JARID2: variants seen among roughly 807,000 people sequenced by gnomAD.
JARID2 encodes jumonji and AT-rich interaction domain containing 2.
JARID2 carries 21 observed loss-of-function variants against 125.6 expected under a neutral mutation model. The observed-to-expected ratio is 0.17, with a 90% confidence interval of 0.12 to 0.24. The LOEUF (loss-of-function observed/expected upper bound fraction) is 0.24, where lower values mean the gene tolerates loss of function less well. Ranked by LOEUF, JARID2 falls within the 10% of genes least tolerant of loss-of-function variation. The pLI is 1.00. For synonymous variants in JARID2, 736 were observed against 661.6 expected (o/e 1.11, Z -1.73); for missense variants, 1,303 against 1,639.6 (o/e 0.79, Z 3.55).
At chr6:15,488,691 T>C (rs1554143236) in intron 6 of JARID2, among the ~76,000 whole-genome samples, 1 of 152,170 alleles carries the variant, frequency 6.6e-6, no homozygotes, top group Non-Finnish European at 1.5e-5. Context: ...TAGTCACACA[T>C]AGGCAGACAG....
intron 11 of JARID2, among the ~76,000 whole-genome samples, chr6:15,508,087 GTCAGGTTC>G (rs1395080649): frequency 2.0e-5 from 3 of 152,230 alleles, no homozygotes; most frequent in Non-Finnish European, 4.4e-5. Context: ...TCCTCACCAG[GTCAGGTTC>G]CTGCGGCCAC....
At chr6:15,335,320 G>C (rs1762842628) in intron 1 of JARID2, among the ~76,000 whole-genome samples, 1 of 150,900 alleles carries the variant, frequency 6.6e-6, no homozygotes, top group East Asian at 2.0e-4. Context: ...GGCTGGTCTT[G>C]AACTCCAGGC....
chr6:15,292,425 A>T (rs533912492), intron 1 of JARID2, among the ~76,000 whole-genome samples: 1 of 152,306 alleles, frequency 6.6e-6, no homozygotes, highest in Non-Finnish European at 1.5e-5. Context: ...TTCTTTAACT[A>T]TTACACAATG....
chr6:15,418,097 A>G (rs1299649548), intron 3 of JARID2, among the ~76,000 whole-genome samples: 2 of 152,142 alleles, frequency 1.3e-5, no homozygotes, highest in Non-Finnish European at 2.9e-5. Flanking sequence ...GGAGCAGGCA[A>G]GAGTGGTGGG....
rs773919057 is a variant in JARID2 at position 15,496,412 on chromosome 6, C to T, written c.1187C>T (p.Ala396Val). Residue 396 changes from alanine to valine, a missense_variant, in exon 7 of 18, where the codon GCG (alanine) becomes GTG (valine). Ala to Val is a moderately conservative substitution (Grantham distance 64, BLOSUM62 0). This residue lies in a region of JARID2 where 651 missense variants were observed against 581.6 expected (regional missense o/e 1.12). Coordinates refer to ENST00000341776, the MANE Select transcript of JARID2 (RefSeq NM_004973.4). ...TRKQVLSLGG[A>V]SKSTGPAVNG... ...AAACAGGTGCTATCCCTCGGGGGGG[C>T]GTCCAAGTCCACTGGGCCCGCCGTC... 15 of 1,613,594 alleles carry T rather than the reference C, an allele frequency of 9.3e-6. No individual in the cohort carries two copies. The East Asian group carries it at 1.3e-4, about 14-fold the overall frequency.
intron 1 of JARID2, among the ~76,000 whole-genome samples, chr6:15,291,471 T>C (rs1185794448): frequency 6.6e-6 from 1 of 152,194 alleles, no homozygotes; most frequent in African/African-American, 2.4e-5. Flanking sequence ...CTAACTAATC[T>C]GGTTTCTCAG....
intron 3 of JARID2, 34 bp from the exon 4 acceptor site, chr6:15,451,972 T>C: frequency 6.2e-7 from 1 of 1,607,978 alleles, no homozygotes; most frequent in Non-Finnish European, 8.5e-7. Context: ...CAGTCTCTGC[T>C]TAATTTATTT....
chr6:15,360,053 A>G (rs1318504965), intron 1 of JARID2, among the ~76,000 whole-genome samples: 1 of 152,224 alleles, frequency 6.6e-6, no homozygotes, highest in Non-Finnish European at 1.5e-5. Flanking sequence ...CTTATGAGTT[A>G]GGGCTTGTGA....
At chr6:15,319,613 C>A (rs966186658) in intron 1 of JARID2, among the ~76,000 whole-genome samples, 9 of 152,076 alleles carry the variant, frequency 5.9e-5, no homozygotes, top group Non-Finnish European at 1.3e-4. Context: ...ACCATGTTTG[C>A]CAGGCTGGTC....
intron 2 of JARID2, among the ~76,000 whole-genome samples, chr6:15,382,815 G>A (rs1764641731): frequency 1.3e-5 from 2 of 152,232 alleles, no homozygotes; most frequent in African/African-American, 2.4e-5. Flanking sequence ...CTCCTCTTTC[G>A]GGTCACTTTG....
chr6:15,403,370 A>T (rs949810249), intron 2 of JARID2, among the ~76,000 whole-genome samples: 1 of 151,934 alleles, frequency 6.6e-6, no homozygotes, highest in Non-Finnish European at 1.5e-5. Flanking sequence ...TACGAAGGGG[A>T]GATCTTTTGT....
chr6:15,416,416 C>G (rs374021305), intron 3 of JARID2, among the ~76,000 whole-genome samples: 2 of 152,210 alleles, frequency 1.3e-5, no homozygotes, highest in Admixed American at 6.5e-5. Context: ...CTGAGTGAAC[C>G]AGACTCCGTC....
At chr6:15,300,470 T>C (rs1339503101) in intron 1 of JARID2, among the ~76,000 whole-genome samples, 1 of 152,200 alleles carries the variant, frequency 6.6e-6, no homozygotes, top group Non-Finnish European at 1.5e-5. Context: ...TGAGATACTG[T>C]GCTTGTTGTG....
chr6:15,473,518 C>CCCCCCCG lies in JARID2; in HGVS notation c.670+4806_670+4807insGCCCCCC, dbSNP rs1769185580. On this transcript the variant is annotated intron_variant, in intron 5 of 17. Transcript: ENST00000341776. ...CCCTTGTCTTCTGATGTGCGTGCCC[C>CCCCCCCG]CCCCCCCCCCCCGCTTTGTGTCCTG... Among the ~76,000 whole-genome samples, 2 of 25,678 alleles carry CCCCCCCG rather than the reference C, an allele frequency of 7.8e-5. 1 individual carries two copies. The highest frequency in any genetic ancestry group is 2.9e-4 in the Non-Finnish European group (2 of 6,932). The allele number at this position is 25,678 out of a possible 152,430, so 16.8% of individuals were successfully genotyped here. A position where few individuals can be genotyped will look rare whatever the true frequency, so the allele number is the denominator to read the frequency against.
chr6:15,348,629 G>T (rs1458392617), intron 1 of JARID2, among the ~76,000 whole-genome samples: 3 of 152,124 alleles, frequency 2.0e-5, no homozygotes, highest in Non-Finnish European at 4.4e-5. Context: ...ACTTGAAAAG[G>T]TAGAGAGAAT....
At chr6:15,485,890 A>G (rs73367315) in intron 5 of JARID2, among the ~76,000 whole-genome samples, 4,152 of 152,304 alleles carry the variant, frequency 0.027, 194 homozygotes, top group African/African-American at 0.093. Flanking sequence ...TAGAGGAGGA[A>G]AGATTTGATT....
At chr6:15,260,647 A>T (rs1276504727) in intron 1 of JARID2, among the ~76,000 whole-genome samples, 1 of 152,182 alleles carries the variant, frequency 6.6e-6, no homozygotes, top group Non-Finnish European at 1.5e-5. Context: ...TGTTCAATGG[A>T]GTTCTTGTCT....
At chr6:15,407,573 TC>T (rs1765702601) in intron 2 of JARID2, among the ~76,000 whole-genome samples, 2 of 152,220 alleles carry the variant, frequency 1.3e-5, no homozygotes, top group Admixed American at 1.3e-4. Context: ...TTCCCAGTCT[TC>T]CTGAGCTGCT....
intron 3 of JARID2, among the ~76,000 whole-genome samples, chr6:15,431,394 G>A (rs936898995): frequency 2.0e-5 from 3 of 152,132 alleles, no homozygotes; most frequent in Non-Finnish European, 4.4e-5. Context: ...CCTGCTGTTT[G>A]GGTTTTGGGA....
Sources: gnomAD v4.1 joint callset for allele counts (sites outside exome capture counted in the v4.1 genomes callset) on GRCh38, gnomAD v4.1.1 for gene constraint, gnomAD v4.1.1 regional missense constraint, MANE v1.5 for transcripts, NCBI Gene and HGNC (gene_info 2026-07-23, HGNC 2026-07-21) for gene names.